The following CD163L1 variants were observed in gnomAD, a reference collection of about 807,000 sequenced individuals.
The protein encoded by CD163L1 is CD163 molecule like 1.
In CD163L1, 124 loss-of-function variants were observed where a neutral mutation model predicts 165.4. The observed-to-expected ratio is 0.75, with a 90% CI of 0.65 to 0.87. CD163L1 has a LOEUF of 0.87. Ranked by LOEUF, CD163L1 falls within the 40% of genes least tolerant of loss-of-function variation. The pLI is 0.00. For synonymous variants in CD163L1, 585 were observed against 662.2 expected (o/e 0.88, Z 1.79); for missense variants, 1,525 against 1,799.9 (o/e 0.85, Z 2.76).
chr12:7,371,640 T>A (rs1450509776), intron 14 of CD163L1, among the ~76,000 whole-genome samples: 1 of 151,920 alleles, frequency 6.6e-6, no homozygotes, highest in African/African-American at 2.4e-5. Flanking sequence ...GGGAAGAAAA[T>A]ATTGAGAAAT....
intron 10 of CD163L1, 34 bp downstream of exon 10, chr12:7,375,666 G>A (rs1947253118): frequency 6.2e-7 from 1 of 1,611,598 alleles, no homozygotes; most frequent in Non-Finnish European, 8.5e-7. Context: ...CCCATCTCTA[G>A]CCCCAGCCAA....
exon 5 of CD163L1, chr12:7,346,753 A>G (rs1393553448): frequency 6.6e-6 from 1 of 152,118 alleles, no homozygotes; most frequent in Non-Finnish European, 1.5e-5. Context: ...ACCCCCAGGA[A>G]ACCACTGCTA....
At chr12:7,350,204 G>T (rs1237240012), downstream of CD163L1, among the ~76,000 whole-genome samples, 2 of 152,106 alleles carry the variant, frequency 1.3e-5, no homozygotes, top group Non-Finnish European at 2.9e-5. Flanking sequence ...CCAGAAGCTG[G>T]GTTGTAGTCA....
chr12:7,381,926 A>G lies in CD163L1; in HGVS notation c.2051-2628T>C, dbSNP rs190227373. On this transcript the variant is annotated intron_variant, in intron 8 of 19. Transcript: ENST00000313599. ...AGGTGATTCAGCATAAAAAGGTGAC[A>G]TCATATTGACTTTTAGGTTTTTCTG... Among the ~76,000 whole-genome samples the G allele has an allele frequency of 2.1e-3, 311 of 150,682 alleles. 1 individual carries two copies. The highest frequency in any genetic ancestry group is 6.9e-3 in the Middle Eastern group (2 of 288).
At chr12:7,443,208 A>G (rs1948851996) in intron 1 of CD163L1, among the ~76,000 whole-genome samples, 2 of 152,228 alleles carry the variant, frequency 1.3e-5, no homozygotes, top group Admixed American at 1.3e-4. Context: ...CTGGTTTTCT[A>G]GAAATGTGCT....
intron 4 of CD163L1, among the ~76,000 whole-genome samples, chr12:7,348,962 T>C (rs1438142461): frequency 2.6e-5 from 4 of 152,152 alleles, no homozygotes; most frequent in Non-Finnish European, 5.9e-5. Context: ...CTCAAGGTTG[T>C]GAGCTCCCTC....
intron 1 of CD163L1, among the ~76,000 whole-genome samples, chr12:7,443,481 C>T (rs1419706300): frequency 3.3e-5 from 5 of 152,172 alleles, no homozygotes; most frequent in Non-Finnish European, 4.4e-5. Context: ...GCCATGTATT[C>T]CTTTCTTAGT....
intron 4 of CD163L1, among the ~76,000 whole-genome samples, chr12:7,423,537 G>A (rs1948480949): frequency 6.6e-6 from 1 of 151,982 alleles, no homozygotes; most frequent in Non-Finnish European, 1.5e-5. Flanking sequence ...AATCAACCCA[G>A]GAGCTGGTTT....
intron 4 of CD163L1, among the ~76,000 whole-genome samples, chr12:7,408,511 A>G (rs745581247): frequency 6.6e-6 from 1 of 152,286 alleles, no homozygotes; most frequent in South Asian, 2.1e-4. Context: ...TTGGGGATAC[A>G]TGTGATATTC....
downstream of CD163L1, among the ~76,000 whole-genome samples, chr12:7,342,921 C>T (rs917401553): frequency 1.3e-5 from 2 of 152,204 alleles, no homozygotes; most frequent in Non-Finnish European, 2.9e-5. Flanking sequence ...TTTCTTTTCA[C>T]GTAAATCTCA....
chr12:7,405,851 ATCT>A (rs113952243), intron 5 of CD163L1, among the ~76,000 whole-genome samples: 9 of 152,324 alleles, frequency 5.9e-5, no homozygotes, highest in African/African-American at 1.9e-4. Context: ...TGTGGGTTTA[ATCT>A]TATTAAGAGA....
At chr12:7,405,920 A>G (rs1434318013) in intron 5 of CD163L1, among the ~76,000 whole-genome samples, 1 of 152,190 alleles carries the variant, frequency 6.6e-6, no homozygotes, top group Non-Finnish European at 1.5e-5. Context: ...GAGAAATATG[A>G]AGGATATTTT....
At chr12:7,323,647 C>A in the CD163L1 span, 17 of 1,193,782 alleles carry the variant, frequency 1.4e-5, no homozygotes, top group Non-Finnish European at 6.1e-6. Flanking sequence ...TAATCTTGGG[C>A]AAGCAACAAA....
Position 7,432,382 on chromosome 12 carries a change from T to G in CD163L1, c.766+34A>C. Reference sequence around the variant, plus strand: ...ATACATACTGTTTCTAAACAAATTGTTCCTTTCTTCTACATGATGTCTTGG... The same window carrying G: ...ATACATACTGTTTCTAAACAAATTGGTCCTTTCTTCTACATGATGTCTTGG... On this transcript the variant is annotated intron_variant, in intron 4 of 19. Coordinates refer to ENST00000313599, the MANE Select transcript of CD163L1 (RefSeq NM_174941.6). This position sits in a 1 kb window ranked among gnomAD's most constrained non-coding sequence, Gnocchi z 4.2. The G allele has an allele frequency of 1.3e-6, 2 of 1,484,584 alleles. No individual in the cohort carries two copies. Among genetic ancestry groups the G allele is most frequent in the Non-Finnish European group, 1.9e-6 (2 of 1,079,336 alleles). The allele number at this position is 1,484,584 out of a possible 1,614,324, so 92.0% of individuals were successfully genotyped here. A position where few individuals can be genotyped will look rare whatever the true frequency, so the allele number is the denominator to read the frequency against.
In CD163L1 at chr12:7,375,592, T is replaced by C. The variant is rs756681105; in HGVS notation, c.2690A>G (p.Tyr897Cys). 6.8e-6 allele frequency: 11 copies of C among 1,612,418 alleles called. No homozygotes were observed. The highest frequency in any genetic ancestry group is 1.7e-5 in the Admixed American group (1 of 60,018). The change falls in exon 11 of 20, where the codon TAT becomes TGT. Residue 897 changes from tyrosine (Y) to cysteine (C), a missense_variant. Coordinates refer to ENST00000313599, the MANE Select transcript of CD163L1 (RefSeq NM_174941.6). ...GCCATTCACAAGTCGGACATCTGTATATCCTAGGAGGAGACAAGGCCATAG... is the reference window on the plus strand; with the variant it reads ...GCCATTCACAAGTCGGACATCTGTACATCCTAGGAGGAGACAAGGCCATAG... ...SREVGVVCSR[Y>C]TDVRLVNGKS...
At chr12:7,332,587 A>G in the CD163L1 span, among the ~76,000 whole-genome samples, 3 of 152,254 alleles carry the variant, frequency 2.0e-5, no homozygotes, top group Non-Finnish European at 4.4e-5. Context: ...CTGATCTCTC[A>G]GCAGAAACTC....
At chr12:7,399,678 C>T (rs1947877666) in intron 6 of CD163L1, among the ~76,000 whole-genome samples, 1 of 151,780 alleles carries the variant, frequency 6.6e-6, no homozygotes, top group African/African-American at 2.4e-5. Context: ...AATCTTGGTT[C>T]ACTACAACCT....
At chr12:7,349,386 A>T (rs1053871325) in intron 4 of CD163L1, among the ~76,000 whole-genome samples, 1 of 152,168 alleles carries the variant, frequency 6.6e-6, no homozygotes, top group East Asian at 1.9e-4. Flanking sequence ...ACCTTCTTGG[A>T]TGCTTGCTGG....
chr12:7,353,234 C>T (rs1210116682), downstream of CD163L1, among the ~76,000 whole-genome samples: 2 of 151,188 alleles, frequency 1.3e-5, no homozygotes, highest in Non-Finnish European at 3.0e-5. Flanking sequence ...AGAAAAAAAT[C>T]GGTAAATTTG....
Sources: gnomAD v4.1 joint callset for allele counts (sites outside exome capture counted in the v4.1 genomes callset) on GRCh38, gnomAD v4.1.1 for gene constraint, Gnocchi (gnomAD v3.1) non-coding constraint, MANE v1.5 for transcripts, NCBI Gene and HGNC (gene_info 2026-07-23, HGNC 2026-07-21) for gene names.